The following PDE1A variants were observed in gnomAD, a reference collection of about 807,000 sequenced individuals.
PDE1A encodes the protein phosphodiesterase 1A.
Under a neutral mutation model 61.7 loss-of-function variants are expected in PDE1A, and 35 were observed. The observed-to-expected ratio is 0.57, with a 90% CI of 0.43 to 0.75. PDE1A has a LOEUF of 0.75. PDE1A is among the 30% of genes least tolerant of loss of function. The pLI is 0.00. For missense variants in PDE1A, 597 were observed against 630.6 expected, an observed-to-expected ratio of 0.95 and a Z score of 0.57; for synonymous variants, 232 against 213.2, an observed-to-expected ratio of 1.09 and a Z score of -0.77.
At chr2:182,170,364 TA>T (rs1250337943) in intron 13 of PDE1A, among the ~76,000 whole-genome samples, 3 of 152,026 alleles carry the variant, frequency 2.0e-5, no homozygotes, top group Non-Finnish European at 4.4e-5. Flanking sequence ...TTTCAACATT[TA>T]AAAATAAAAA....
At chr2:182,589,077 TAATAATAATAATA>T in the PDE1A span, among the ~76,000 whole-genome samples, 3 of 146,624 alleles carry the variant, frequency 2.0e-5, no homozygotes, top group Admixed American at 1.4e-4. Flanking sequence ...ATAATAATAA[TAATAATAATAATA>T]ATTTTAATGA....
At chr2:182,469,140 C>T (rs560419954) in intron 2 of PDE1A, among the ~76,000 whole-genome samples, 1 of 152,014 alleles carries the variant, frequency 6.6e-6, no homozygotes, top group South Asian at 2.1e-4. Flanking sequence ...GTTACCCAGG[C>T]TTTTGAAGCT....
the PDE1A span, among the ~76,000 whole-genome samples, chr2:182,649,111 T>A: frequency 1.3e-5 from 2 of 152,182 alleles, no homozygotes; most frequent in South Asian, 4.1e-4. Context: ...TCTGAAACTA[T>A]CATCTTCAGG....
chr2:182,554,013 C>A, the PDE1A span, among the ~76,000 whole-genome samples: 3 of 152,046 alleles, frequency 2.0e-5, no homozygotes, highest in African/African-American at 4.8e-5. Flanking sequence ...AGGGGGGTTA[C>A]GGGATCAGGT....
At chr2:182,169,011 T>C (rs758711366) in intron 13 of PDE1A, among the ~76,000 whole-genome samples, 1 of 152,098 alleles carries the variant, frequency 6.6e-6, no homozygotes, top group Non-Finnish European at 1.5e-5. Context: ...TATGTGTGTG[T>C]ATATCTGACA....
the PDE1A span, among the ~76,000 whole-genome samples, chr2:182,650,111 G>T: frequency 1.3e-5 from 2 of 152,176 alleles, no homozygotes; most frequent in East Asian, 3.9e-4. Flanking sequence ...AGAGACATCT[G>T]CTGCCAGCAA....
intron 1 of PDE1A, among the ~76,000 whole-genome samples, chr2:182,283,777 G>T (rs552226265): frequency 6.6e-6 from 1 of 152,188 alleles, no homozygotes; most frequent in South Asian, 2.1e-4. Context: ...AAGTTGTAAA[G>T]ATTATGAAGT....
chr2:182,508,070 T>C (rs1689526554), intron 2 of PDE1A, among the ~76,000 whole-genome samples: 1 of 151,684 alleles, frequency 6.6e-6, no homozygotes, highest in African/African-American at 2.4e-5. Flanking sequence ...AGTAGTAGCT[T>C]AAGCAAAAAT....
At chr2:182,599,001 G>A in the PDE1A span, among the ~76,000 whole-genome samples, 3 of 152,216 alleles carry the variant, frequency 2.0e-5, no homozygotes, top group South Asian at 6.2e-4. Flanking sequence ...GCTGGCTGCA[G>A]CAGAGAAACA....
intron 1 of PDE1A, among the ~76,000 whole-genome samples, chr2:182,370,296 TGAACGAAA>T (rs1431303659): frequency 1.3e-5 from 2 of 152,186 alleles, no homozygotes; most frequent in Non-Finnish European, 1.5e-5. Context: ...GACATGGAGA[TGAACGAAA>T]TTAATAGGTC....
At chr2:182,241,779 T>A in intron 2 of PDE1A, 1 of 1,415,868 alleles carries the variant, frequency 7.1e-7, no homozygotes, top group East Asian at 2.5e-5. Context: ...TAGAGTTGAA[T>A]GTTAATACTG....
the PDE1A span, among the ~76,000 whole-genome samples, chr2:182,605,295 C>G: frequency 6.6e-6 from 1 of 152,132 alleles, no homozygotes; most frequent in Non-Finnish European, 1.5e-5. Flanking sequence ...TCTTCCTACA[C>G]TAGCTGTTCC....
At chr2:182,677,165 C>T in the PDE1A span, among the ~76,000 whole-genome samples, 1 of 152,142 alleles carries the variant, frequency 6.6e-6, no homozygotes. Context: ...AAGAAAACCC[C>T]ATAGTCTTGG....
intron 3 of PDE1A, among the ~76,000 whole-genome samples, chr2:182,236,586 G>T (rs1325716799): frequency 2.0e-5 from 3 of 152,158 alleles, no homozygotes; most frequent in Non-Finnish European, 2.9e-5. Context: ...ACTGCTGTGT[G>T]ACCTTTGGAA....
intron 3 of PDE1A, among the ~76,000 whole-genome samples, chr2:182,238,277 A>AAAAG (rs1690219393): frequency 6.6e-6 from 1 of 150,808 alleles, no homozygotes; most frequent in South Asian, 2.1e-4. Flanking sequence ...AAAAAAAAAA[A>AAAAG]AAAAAGAAAA....
chr2:182,317,088 T>C lies in PDE1A; in HGVS notation c.54-52674A>G, dbSNP rs76995228. Among the ~76,000 whole-genome samples, 294 of 152,322 alleles carry C rather than the reference T, an allele frequency of 1.9e-3. 1 individual carries two copies. Among genetic ancestry groups the C allele is most frequent in the African/African-American group, 6.9e-3 (287 of 41,580 alleles). ...TAGACAAGTTTACTTATGCAGTGCA[T>C]CTTAATGCACACACTTAAGTATATT... On this transcript the variant is annotated intron_variant, in intron 1 of 13. Transcript: ENST00000351439.
chr2:182,520,688 T>C (rs1690509878), intron 2 of PDE1A, among the ~76,000 whole-genome samples: 1 of 151,944 alleles, frequency 6.6e-6, no homozygotes, highest in South Asian at 2.1e-4. Flanking sequence ...TACATTCAAG[T>C]AACTACAGGA....
chr2:182,225,493 T>C (rs1222238692), intron 6 of PDE1A, among the ~76,000 whole-genome samples: 1 of 151,936 alleles, frequency 6.6e-6, no homozygotes, highest in Non-Finnish European at 1.5e-5. Flanking sequence ...AGGAACTTAG[T>C]ATTTGTTTGT....
the PDE1A span, among the ~76,000 whole-genome samples, chr2:182,567,258 T>G: frequency 6.6e-6 from 1 of 152,198 alleles, no homozygotes; most frequent in Non-Finnish European, 1.5e-5. Context: ...TCCAATTGGA[T>G]GACTGTGAAA....
Sources: allele counts gnomAD v4.1 joint callset (sites outside exome capture counted in the v4.1 genomes callset), GRCh38; gene constraint gnomAD v4.1.1; transcripts MANE v1.5; gene names NCBI Gene and HGNC (gene_info 2026-07-23, HGNC 2026-07-21).